The following LRMDA variants were observed in gnomAD, a reference collection of about 807,000 sequenced individuals.
LRMDA encodes the protein leucine rich melanocyte differentiation associated.
In LRMDA, 18 loss-of-function variants were observed where a neutral mutation model predicts 29.8. The ratio of observed to expected loss-of-function variants is 0.60; its 90% confidence interval spans 0.42 to 0.90. The LOEUF (loss-of-function observed/expected upper bound fraction) is 0.90, where lower values mean the gene tolerates loss of function less well. Ranked by LOEUF, LRMDA falls within the 40% of genes least tolerant of loss-of-function variation. The pLI, the probability that LRMDA is intolerant of heterozygous loss-of-function variation, is 0.00. For missense variants in LRMDA, 273 were observed against 273.9 expected (o/e 1.00, Z 0.02); for synonymous variants, 125 against 109.4 (o/e 1.14, Z -0.89).
chr10:76,361,822 G>A (rs1286664457), intron 6 of LRMDA, among the ~76,000 whole-genome samples: 4 of 152,272 alleles, frequency 2.6e-5, no homozygotes, highest in Non-Finnish European at 4.4e-5. Context: ...CTGACAGGAC[G>A]TGGCTGAGGA....
At chr10:75,660,777 G>A (rs187839088) in intron 2 of LRMDA, among the ~76,000 whole-genome samples, 1 of 151,828 alleles carries the variant, frequency 6.6e-6, no homozygotes, top group African/African-American at 2.4e-5. Flanking sequence ...CACAAGCCAA[G>A]TTTCAAGCTG....
chr10:75,649,168 C>T (rs902741643), intron 2 of LRMDA, among the ~76,000 whole-genome samples: 4 of 152,146 alleles, frequency 2.6e-5, no homozygotes, highest in Non-Finnish European at 2.9e-5. Flanking sequence ...TCTCTGAATT[C>T]GACTGAGCAC....
chr10:75,630,656 A>C (rs542487927), intron 2 of LRMDA, among the ~76,000 whole-genome samples: 7 of 152,356 alleles, frequency 4.6e-5, no homozygotes, highest in Admixed American at 6.5e-5. Context: ...TTATCTACAA[A>C]ATGGGTGACT....
intron 2 of LRMDA, among the ~76,000 whole-genome samples, chr10:75,764,791 T>A (rs1276395285): frequency 1.3e-5 from 2 of 152,176 alleles, no homozygotes; most frequent in Non-Finnish European, 2.9e-5. Context: ...CAGCAAACCG[T>A]ATTTTTCACA....
intron 5 of LRMDA, among the ~76,000 whole-genome samples, chr10:76,111,647 G>A (rs1160758838): frequency 6.6e-6 from 1 of 152,212 alleles, no homozygotes; most frequent in Non-Finnish European, 1.5e-5. Context: ...TGAAGAGTTT[G>A]TATAATTTAA....
At chr10:76,294,055 A>C (rs1350773254) in intron 5 of LRMDA, among the ~76,000 whole-genome samples, 1 of 152,136 alleles carries the variant, frequency 6.6e-6, no homozygotes, top group Non-Finnish European at 1.5e-5. Context: ...TGGATAGGAG[A>C]GGAGTTGACA....
At chr10:75,506,867 A>C (rs1376094736) in intron 2 of LRMDA, among the ~76,000 whole-genome samples, 6 of 152,120 alleles carry the variant, frequency 3.9e-5, no homozygotes, top group Non-Finnish European at 7.4e-5. Context: ...CCTTAGTGAA[A>C]GTGCTTTGGA....
intron 2 of LRMDA, among the ~76,000 whole-genome samples, chr10:75,670,117 G>A (rs190807559): frequency 5.9e-5 from 9 of 152,200 alleles, no homozygotes; most frequent in South Asian, 2.1e-4. Flanking sequence ...AGACATTTGC[G>A]TCTTTATAAA....
rs72813545 is a variant in LRMDA at position 76,033,716 on chromosome 10, A to G, written c.132-2292A>G. Reference sequence around the variant, plus strand: ...GATGTTTGTGCACAAAGGAATTATTAACCACCCGTAAGGCTCCCTAAGGGG... The same window carrying G: ...GATGTTTGTGCACAAAGGAATTATTGACCACCCGTAAGGCTCCCTAAGGGG... On this transcript the variant is annotated intron_variant, in intron 2 of 6. Coordinates refer to ENST00000611255, the MANE Select transcript of LRMDA (RefSeq NM_001305581.2). 9.2e-3 allele frequency among the ~76,000 whole-genome samples: 1,401 copies of G among 152,242 alleles called. 12 individuals are homozygous for G. The highest frequency in any genetic ancestry group is 0.02 in the Middle Eastern group (6 of 294).
chr10:76,310,899 T>G (rs1246518128), intron 5 of LRMDA, among the ~76,000 whole-genome samples: 2 of 152,240 alleles, frequency 1.3e-5, no homozygotes, highest in East Asian at 3.8e-4. Context: ...GTTTTAGGTC[T>G]TTCATGAGAA....
In LRMDA at chr10:75,518,400, G is replaced by T. The variant is rs552612211; in HGVS notation, c.131+79906G>T. 2.0e-5 allele frequency among the ~76,000 whole-genome samples: 3 copies of T among 152,276 alleles called. No individual in the cohort carries two copies. The East Asian group carries it at 5.8e-4, about 29-fold the overall frequency. ...AGAGCCTGTTATTGTTCTATTAAGAGATTCAACTTCTTCCTGGTTTAGTCT... is the reference window on the plus strand; with the variant it reads ...AGAGCCTGTTATTGTTCTATTAAGATATTCAACTTCTTCCTGGTTTAGTCT... On this transcript the variant is annotated intron_variant, in intron 2 of 6. Transcript: ENST00000611255.
At chr10:76,363,276 A>AAAGGAAGG (rs1212066726) in intron 6 of LRMDA, among the ~76,000 whole-genome samples, 18,536 of 58,506 alleles carry the variant, frequency 0.32, 5,888 homozygotes, top group Middle Eastern at 0.42. Flanking sequence ...GGAAGGAAGG[A>AAAGGAAGG]AAGGAAGGAA....
At chr10:76,454,327 A>G (rs1385712064) in intron 6 of LRMDA, among the ~76,000 whole-genome samples, 1 of 152,176 alleles carries the variant, frequency 6.6e-6, no homozygotes, top group African/African-American at 2.4e-5. Flanking sequence ...GTCACTAATC[A>G]TATTACTTCC....
At chr10:75,843,366 C>T (rs960367397) in intron 2 of LRMDA, among the ~76,000 whole-genome samples, 5 of 152,138 alleles carry the variant, frequency 3.3e-5, no homozygotes, top group African/African-American at 9.7e-5. Flanking sequence ...ACCTAGGAAG[C>T]TGGGTTTGAG....
At chr10:75,932,662 C>T (rs1383216548) in intron 2 of LRMDA, among the ~76,000 whole-genome samples, 1 of 152,010 alleles carries the variant, frequency 6.6e-6, no homozygotes, top group Admixed American at 6.6e-5. Context: ...AAAAGAAACT[C>T]GACTAATCTA....
intron 2 of LRMDA, among the ~76,000 whole-genome samples, chr10:75,856,667 T>G (rs1023953967): frequency 6.6e-6 from 1 of 152,204 alleles, no homozygotes; most frequent in African/African-American, 2.4e-5. Context: ...AATTAGGTAT[T>G]GATGGGACAT....
intron 2 of LRMDA, among the ~76,000 whole-genome samples, chr10:75,761,789 CTTTTGTTTTTTTTT>C (rs138979514): frequency 0.033 from 4,830 of 145,926 alleles, 254 homozygotes; most frequent in African/African-American, 0.11. Flanking sequence ...TTTTGGTATA[CTTTTGTTTTTTTTT>C]TTTTGTTTTT....
At chr10:76,131,502 A>G (rs1849991729) in intron 5 of LRMDA, among the ~76,000 whole-genome samples, 1 of 152,214 alleles carries the variant, frequency 6.6e-6, no homozygotes, top group African/African-American at 2.4e-5. Context: ...ACTTTAGGAA[A>G]TAGTCTTAGA....
intron 2 of LRMDA, among the ~76,000 whole-genome samples, chr10:75,910,021 CTT>C (rs1845817994): frequency 6.6e-6 from 1 of 152,094 alleles, no homozygotes; most frequent in Non-Finnish European, 1.5e-5. Context: ...TTTTCTGAAA[CTT>C]AGGAGGGACT....
Sources: gnomAD v4.1 joint callset for allele counts (sites outside exome capture counted in the v4.1 genomes callset) on GRCh38, gnomAD v4.1.1 for gene constraint, MANE v1.5 for transcripts, NCBI Gene and HGNC (gene_info 2026-07-23, HGNC 2026-07-21) for gene names.